The following FAM111B variants were observed in gnomAD, a reference collection of about 807,000 sequenced individuals.
The protein encoded by FAM111B is serine protease FAM111B.
A neutral mutation model predicts 2.8 loss-of-function variants in FAM111B; 1 was observed. The ratio of observed to expected loss-of-function variants is 0.36; its 90% confidence interval spans 0.13 to 1.70. FAM111B has a LOEUF of 1.70. FAM111B is among the 40% of genes most tolerant of loss of function. FAM111B has a pLI of 0.35. For missense variants in FAM111B, 882 were observed against 878.9 expected (o/e 1.00, Z -0.04); for synonymous variants, 297 against 295.6 (o/e 1.00, Z -0.05).
At chr11:59,117,334 C>T (rs1319052536) in intron 3 of FAM111B, among the ~76,000 whole-genome samples, 1 of 152,158 alleles carries the variant, frequency 6.6e-6, no homozygotes, top group Non-Finnish European at 1.5e-5. Context: ...TCCTTAGGAA[C>T]TCAGGTCCCA....
rs142260566 is a variant in FAM111B, at chr11:59,108,949, A to C, written c.-87+237A>C. 4.7e-4 allele frequency among the ~76,000 whole-genome samples: 71 copies of C among 152,288 alleles called. No individual in the cohort carries two copies. In the Middle Eastern group the frequency reaches 0.01, roughly 22 times the overall value. On this transcript the variant is annotated intron_variant, in intron 2 of 3. Transcript: ENST00000343597. ...TCTAGTATGTTCATATTTTACATGG[A>C]AACCATTTTATACTTTCGAAGCTTG...
At position 59,126,328 on chromosome 11, in the gene FAM111B, T is replaced by C. The variant is rs1860034875; in HGVS notation, c.*26T>C. ...AAAAGAGATGCTGTCTTCAAGAAAA[T>C]ATGCCAATAATTCCTGGCAAAGATT... On this transcript the variant is annotated 3_prime_UTR_variant, in exon 4 of 4. Coordinates refer to ENST00000343597, the MANE Select transcript of FAM111B (RefSeq NM_198947.4). 1 of 1,471,184 alleles carries C rather than the reference T, an allele frequency of 6.8e-7. No individual in the cohort carries two copies. The highest frequency in any genetic ancestry group is 1.4e-5 in the African/African-American group (1 of 70,560). 91.1% of individuals were successfully genotyped at this position (1,471,184 alleles called of 1,614,324 possible). A position where few individuals can be genotyped will look rare whatever the true frequency, so the allele number is the denominator to read the frequency against.
At position 59,124,488 on chromosome 11, in the gene FAM111B, GT is replaced by G. The variant is rs199851144; in HGVS notation, c.394del (p.Tyr132MetfsTer6). The G allele has an allele frequency of 0.026, 41,337 of 1,613,520 alleles. 690 individuals are homozygous for G. Among genetic ancestry groups the G allele is most frequent in the South Asian group, 0.049 (4,495 of 91,048 alleles). On this transcript the variant is annotated frameshift_variant, in exon 4 of 4. Transcript: ENST00000343597. LOFTEE classifies it low-confidence loss of function (END_TRUNC). ...GAATCAGTTTAATAAGAACATTATT[GT>G]TTATGAAGAAAAGACAATAGATGGA... ...IKNQFNKNIIVYEEKTIDGHI... is the reference protein window; with the variant it reads ...IKNQFNKNIIXYEEKTIDGHI...
intron 3 of FAM111B, among the ~76,000 whole-genome samples, chr11:59,119,391 G>C (rs935520971): frequency 6.6e-6 from 1 of 152,114 alleles, no homozygotes; most frequent in Non-Finnish European, 1.5e-5. Flanking sequence ...TTGTTTTTCC[G>C]TTTCTCAGGT....
Position 59,125,294 on chromosome 11 carries a change from G to T in FAM111B, c.1197G>T (p.Met399Ile). 2 of 1,613,932 alleles carry T rather than the reference G, an allele frequency of 1.2e-6. No individual in the cohort carries two copies. Among genetic ancestry groups the T allele is most frequent in the South Asian group, 2.2e-5 (2 of 91,076 alleles). The change falls in exon 4 of 4, where the codon ATG becomes ATT. Residue 399 changes from methionine to isoleucine, a missense_variant. Coordinates refer to ENST00000343597, the MANE Select transcript of FAM111B (RefSeq NM_198947.4). Reference protein sequence around the residue: ...KNYQTLNEAIMHQYPNFKEEA... With the variant: ...KNYQTLNEAIIHQYPNFKEEA... Reference sequence around the variant, plus strand: ...ATCAAACGTTGAATGAAGCCATAATGCATCAGTATCCGAATTTTAAAGAGG... The same window carrying T: ...ATCAAACGTTGAATGAAGCCATAATTCATCAGTATCCGAATTTTAAAGAGG...
chr11:59,115,065 C>G (rs1292338723), intron 3 of FAM111B, among the ~76,000 whole-genome samples: 1 of 152,160 alleles, frequency 6.6e-6, no homozygotes, highest in African/African-American at 2.4e-5. Context: ...TGCTTGTTGA[C>G]TCACTAATCA....
intron 3 of FAM111B, among the ~76,000 whole-genome samples, chr11:59,111,284 G>A (rs1331694417): frequency 6.6e-6 from 1 of 152,160 alleles, no homozygotes; most frequent in Non-Finnish European, 1.5e-5. Context: ...ATATTCTTAA[G>A]CTGTCATGAA....
chr11:59,116,493 A>T (rs1859842548), intron 3 of FAM111B, among the ~76,000 whole-genome samples: 2 of 152,174 alleles, frequency 1.3e-5, no homozygotes, highest in Non-Finnish European at 2.9e-5. Flanking sequence ...CAGTGAAGGG[A>T]CATTCAAAAG....
In FAM111B at chr11:59,126,315, G is replaced by A; in HGVS notation, c.*13G>A. On this transcript the variant is annotated 3_prime_UTR_variant, in exon 4 of 4. Transcript: ENST00000343597. ...CATGGAATGTTAGAAAAGAGATGCT[G>A]TCTTCAAGAAAATATGCCAATAATT... is the stretch of plus-strand genomic sequence containing the variant. The A allele has an allele frequency of 6.7e-7, 1 of 1,489,814 alleles. No individual in the cohort carries two copies. The highest frequency in any genetic ancestry group is 1.8e-4 in the Middle Eastern group (1 of 5,548). The allele number at this position is 1,489,814 out of a possible 1,614,324, so 92.3% of individuals were successfully genotyped here.
At chr11:59,121,803 T>G (rs1344710109) in intron 3 of FAM111B, among the ~76,000 whole-genome samples, 1 of 152,212 alleles carries the variant, frequency 6.6e-6, no homozygotes, top group Non-Finnish European at 1.5e-5. Flanking sequence ...CAGTGAATTC[T>G]AACTGTAAAA....
rs1860009957 is a variant in FAM111B at position 59,125,527 on chromosome 11, G to C, written c.1430G>C (p.Cys477Ser). 2 of 1,613,948 alleles carry C rather than the reference G, an allele frequency of 1.2e-6. No individual in the cohort carries two copies. The highest frequency in any genetic ancestry group is 1.3e-5 in the African/African-American group (1 of 75,038). ...AATGGAAACACAGGTAATGCTACTT[G>C]CTTTGTCTTCAATGGTGGTTATATT... is the stretch of plus-strand genomic sequence containing the variant. ...DNNGNTGNAT[C>S]FVFNGGYIFT... is the part of the protein sequence containing the mutation. The change falls in exon 4 of 4, where the codon TGC becomes TCC. Residue 477 changes from cysteine to serine, a missense_variant. Cys to Ser is a moderately radical substitution (Grantham distance 112). Coordinates refer to ENST00000343597, the MANE Select transcript of FAM111B (RefSeq NM_198947.4).
intron 3 of FAM111B, among the ~76,000 whole-genome samples, 171 bp from the exon 4 acceptor site, chr11:59,124,008 G>A (rs997592513): frequency 6.8e-5 from 10 of 146,896 alleles, no homozygotes; most frequent in Non-Finnish European, 1.5e-4. Context: ...AAAATAAAGT[G>A]TAGAATGAGT....
chr11:59,125,605 G>A lies in FAM111B; in HGVS notation c.1508G>A (p.Ser503Asn). The change falls in exon 4 of 4, where the codon AGT becomes AAT. Residue 503 changes from serine to asparagine, a missense_variant. Physicochemically the swap from Ser to Asn is conservative, Grantham distance 46 (BLOSUM62 1). Coordinates refer to ENST00000343597, the MANE Select transcript of FAM111B (RefSeq NM_198947.4). Reference protein sequence around the residue: ...HLMVGKNTHPSLWPDIISKCA... With the variant: ...HLMVGKNTHPNLWPDIISKCA... ...ATGGTGGGTAAAAACACACATCCAA[G>A]TTTGTGGCCAGATATAATTAGCAAA... is the stretch of plus-strand genomic sequence containing the variant. 1 of 1,613,940 alleles carries A rather than the reference G, an allele frequency of 6.2e-7. No individual in the cohort carries two copies. Among genetic ancestry groups the A allele is most frequent in the Non-Finnish European group, 8.5e-7 (1 of 1,179,842 alleles).
chr11:59,124,835 TAAG>T lies in FAM111B; in HGVS notation c.741_743del (p.Lys248del), dbSNP rs1859989102. ...TTGAATGGAAACTAAAGGAAGGTCA[TAAG>T]AAAATTTATGGAAAACAGTCCATGG... On this transcript the variant is annotated inframe_deletion, in exon 4 of 4. Transcript: ENST00000343597. The T allele has an allele frequency of 6.2e-7, 1 of 1,613,378 alleles. No individual in the cohort carries two copies. Among genetic ancestry groups the T allele is most frequent in the South Asian group, 1.1e-5 (1 of 91,024 alleles).
rs1860036440 is a variant in FAM111B at position 59,126,409 on chromosome 11, C to A, written c.*107C>A. 5 of 865,484 alleles carry A rather than the reference C, an allele frequency of 5.8e-6. No homozygotes were observed. The highest frequency in any genetic ancestry group is 8.5e-6 in the Non-Finnish European group (5 of 584,898). 53.6% of individuals were successfully genotyped at this position (865,484 alleles called of 1,614,324 possible). ...CAAAAGTGAAAATTGGCAAATGAGA[C>A]CTAATTAAATCTTCTGCACAGCAAA... is the stretch of plus-strand genomic sequence containing the variant. On this transcript the variant is annotated 3_prime_UTR_variant, in exon 4 of 4. Transcript: ENST00000343597.
chr11:59,119,786 C>G (rs1351004837), intron 3 of FAM111B, among the ~76,000 whole-genome samples: 1 of 151,936 alleles, frequency 6.6e-6, no homozygotes, highest in East Asian at 1.9e-4. Context: ...CTATTACTGC[C>G]TTTATTTAGC....
Position 59,124,524 on chromosome 11 carries a change from T to C in FAM111B, c.427T>C (p.Leu143=). ...EEKTIDGHIN[L]GMPLKCLPSD... is the part of the protein sequence containing the mutation. The stretch of plus-strand genomic sequence containing the variant: ...AAAGACAATAGATGGACATATAAAT[T>C]TAGGAATGCCTCTCAAGTGCCTGCC... Residue 143 remains leucine, a synonymous_variant, in exon 4 of 4, where the codon TTA becomes CTA. Coordinates refer to ENST00000343597, the MANE Select transcript of FAM111B (RefSeq NM_198947.4). 6.2e-7 allele frequency: 1 copy of C among 1,613,488 alleles called. No homozygotes were observed. The highest frequency in any genetic ancestry group is 8.5e-7 in the Non-Finnish European group (1 of 1,179,716).
chr11:59,124,613 A>G lies in FAM111B; in HGVS notation c.516A>G (p.Ile172Met), dbSNP rs772347043. The G allele has an allele frequency of 6.2e-7, 1 of 1,613,972 alleles. No individual in the cohort carries two copies. Among genetic ancestry groups the G allele is most frequent in the South Asian group, 1.1e-5 (1 of 91,066 alleles). Residue 172 changes from isoleucine (I) to methionine (M), a missense_variant, in exon 4 of 4, where the codon ATA becomes ATG. Ile to Met is a conservative substitution (Grantham distance 10, BLOSUM62 1). Transcript: ENST00000343597. The stretch of plus-strand genomic sequence containing the variant: ...AGAGTAGCAAAGAAGATGGACACAT[A>G]TTACGCCAATGTGAAAATCCAAACA... ...QRKSSKEDGHILRQCENPNME... is the reference protein window; with the variant it reads ...QRKSSKEDGHMLRQCENPNME...
chr11:59,114,804 GTGTT>G (rs1047879160), intron 3 of FAM111B, among the ~76,000 whole-genome samples: 4 of 152,112 alleles, frequency 2.6e-5, no homozygotes, highest in African/African-American at 4.8e-5. Context: ...TAAATTGTGT[GTGTT>G]TGTGTGTGTG....
Sources: allele counts gnomAD v4.1 joint callset (sites outside exome capture counted in the v4.1 genomes callset), GRCh38; gene constraint gnomAD v4.1.1; transcripts MANE v1.5; gene names NCBI Gene and HGNC (gene_info 2026-07-23, HGNC 2026-07-21).